RPS6KC1: variants seen among roughly 807,000 people sequenced by gnomAD.
RPS6KC1 encodes the protein ribosomal protein S6 kinase C1.
RPS6KC1 carries 54 observed loss-of-function variants against 103.8 expected under a neutral mutation model. The ratio of observed to expected loss-of-function variants is 0.52; its 90% CI spans 0.42 to 0.65. The LOEUF is 0.65. Ranked by LOEUF, RPS6KC1 falls within the 30% of genes least tolerant of loss-of-function variation. The pLI is 0.00. For synonymous variants in RPS6KC1, 439 were observed against 438.7 expected, an observed-to-expected ratio of 1.00 and a Z score of -0.01; for missense variants, 1,151 against 1,253.8, an observed-to-expected ratio of 0.92 and a Z score of 1.24.
At chr1:213,672,172 G>A in the RPS6KC1 span, among the ~76,000 whole-genome samples, 9 of 152,140 alleles carry the variant, frequency 5.9e-5, no homozygotes, top group East Asian at 1.9e-4. Flanking sequence ...CCTCTTGCCC[G>A]CCTGGTGAGC....
intron 6 of RPS6KC1, among the ~76,000 whole-genome samples, chr1:213,151,131 C>A (rs1189978693): frequency 6.8e-6 from 1 of 147,624 alleles, no homozygotes; most frequent in African/African-American, 2.5e-5. Flanking sequence ...CTGACCCCCC[C>A]ACCTCCCTCC....
At chr1:213,861,571 C>T in the RPS6KC1 span, among the ~76,000 whole-genome samples, 3 of 152,180 alleles carry the variant, frequency 2.0e-5, no homozygotes, top group African/African-American at 7.2e-5. Flanking sequence ...GCCGCTATGG[C>T]CATCACACAC....
the RPS6KC1 span, among the ~76,000 whole-genome samples, chr1:213,599,747 C>T: frequency 6.6e-6 from 1 of 152,198 alleles, no homozygotes; most frequent in African/African-American, 2.4e-5. Flanking sequence ...ATTCGAAGGG[C>T]ATGGTGAAGA....
At position 213,145,397 on chromosome 1, in the gene RPS6KC1, A is replaced by T. The variant is rs1364356214; in HGVS notation, c.835+15508A>T. Among the ~76,000 whole-genome samples, 4 of 152,146 alleles carry T rather than the reference A, an allele frequency of 2.6e-5. No individual in the cohort carries two copies. In the Admixed American group the frequency reaches 2.6e-4, roughly 10 times the overall value. ...TTAGAGCTTGCAGGATACGATATTT[A>T]GAATTATTGCCTGATGTCCAGTGTG... On this transcript the variant is annotated intron_variant, in intron 6 of 14. Transcript: ENST00000366960.
the RPS6KC1 span, among the ~76,000 whole-genome samples, chr1:213,395,637 T>A: frequency 1.3e-5 from 2 of 152,188 alleles, no homozygotes; most frequent in African/African-American, 4.8e-5. Flanking sequence ...CATTGCCAAT[T>A]TCTGTAGTGT....
At chr1:213,192,417 T>C (rs1444225098) in intron 8 of RPS6KC1, among the ~76,000 whole-genome samples, 1 of 152,220 alleles carries the variant, frequency 6.6e-6, no homozygotes, top group Non-Finnish European at 1.5e-5. Context: ...TTGGAAGTAT[T>C]CCCACCTCTG....
chr1:213,700,369 T>C, the RPS6KC1 span, among the ~76,000 whole-genome samples: 5 of 152,244 alleles, frequency 3.3e-5, no homozygotes, highest in South Asian at 1.0e-3. Flanking sequence ...GCATGTGCAT[T>C]TATTTCTTGG....
the RPS6KC1 span, among the ~76,000 whole-genome samples, chr1:213,737,708 T>C: frequency 6.6e-6 from 1 of 152,144 alleles, no homozygotes; most frequent in Non-Finnish European, 1.5e-5. Context: ...GGTGGTCCAA[T>C]TCACTAATCA....
At chr1:213,260,842 C>T (rs1477702587) in intron 12 of RPS6KC1, among the ~76,000 whole-genome samples, 1 of 150,724 alleles carries the variant, frequency 6.6e-6, no homozygotes, top group Non-Finnish European at 1.5e-5. Flanking sequence ...ACTCAAATTA[C>T]ATTTCAGGAA....
the RPS6KC1 span, among the ~76,000 whole-genome samples, chr1:213,774,399 G>C: frequency 6.6e-6 from 1 of 152,166 alleles, no homozygotes; most frequent in Non-Finnish European, 1.5e-5. Context: ...CACCCTTCTA[G>C]TCAGCTCTTC....
chr1:213,145,454 T>G (rs1246921083), intron 6 of RPS6KC1, among the ~76,000 whole-genome samples: 1 of 152,116 alleles, frequency 6.6e-6, no homozygotes, highest in Non-Finnish European at 1.5e-5. Context: ...GTACAGAGAT[T>G]GGTAGTGTCT....
the RPS6KC1 span, among the ~76,000 whole-genome samples, chr1:213,370,156 C>T: frequency 2.6e-5 from 4 of 152,308 alleles, no homozygotes; most frequent in South Asian, 8.3e-4. Context: ...GCTCTTCTTT[C>T]TCTTACCTCC....
chr1:213,524,705 G>A, the RPS6KC1 span, among the ~76,000 whole-genome samples: 2 of 152,082 alleles, frequency 1.3e-5, no homozygotes, highest in Non-Finnish European at 1.5e-5. Context: ...CTACTCACAG[G>A]ACTATCCCAA....
At chr1:213,214,373 G>A (rs2093602634) in intron 8 of RPS6KC1, among the ~76,000 whole-genome samples, 1 of 152,256 alleles carries the variant, frequency 6.6e-6, no homozygotes, top group Non-Finnish European at 1.5e-5. Flanking sequence ...AAACAAAGCA[G>A]CTGGGAAGCT....
At chr1:213,141,342 C>G (rs1403793596) in intron 6 of RPS6KC1, among the ~76,000 whole-genome samples, 1 of 152,166 alleles carries the variant, frequency 6.6e-6, no homozygotes, top group African/African-American at 2.4e-5. Context: ...CTGGTTCAGT[C>G]TTGGGAGGTG....
the RPS6KC1 span, among the ~76,000 whole-genome samples, chr1:213,779,680 G>A: frequency 6.6e-6 from 1 of 152,196 alleles, no homozygotes; most frequent in East Asian, 1.9e-4. Flanking sequence ...TGCGGATCCA[G>A]TGTGACCATT....
At chr1:213,137,801 T>A (rs75741532) in intron 6 of RPS6KC1, among the ~76,000 whole-genome samples, 185 of 52,092 alleles carry the variant, frequency 3.6e-3, no homozygotes, top group African/African-American at 7.6e-3. Flanking sequence ...ATATATATAT[T>A]TTTTTTTTTT....
chr1:213,106,289 G>T (rs1209560975), intron 4 of RPS6KC1, among the ~76,000 whole-genome samples: 4 of 152,096 alleles, frequency 2.6e-5, no homozygotes, highest in African/African-American at 7.2e-5. Flanking sequence ...AAAAAAAAAG[G>T]TATTTATTTT....
chr1:213,438,583 G>A, the RPS6KC1 span, among the ~76,000 whole-genome samples: 3 of 152,032 alleles, frequency 2.0e-5, no homozygotes, highest in Admixed American at 1.3e-4. Flanking sequence ...CCTCCTTAGT[G>A]GGCTTCATAG....
Sources: gnomAD v4.1 joint callset for allele counts (sites outside exome capture counted in the v4.1 genomes callset) on GRCh38, gnomAD v4.1.1 for gene constraint, MANE v1.5 for transcripts, NCBI Gene and HGNC (gene_info 2026-07-23, HGNC 2026-07-21) for gene names.